The following SPATA31H1 variants were observed in gnomAD, a reference collection of about 807,000 sequenced individuals.
The protein encoded by SPATA31H1 is SPATA31 subfamily H member 1, also known as spermatogenesis-associated protein 31H1.
At chr2:27,551,435 G>A in the SPATA31H1 span, among the ~76,000 whole-genome samples, 1 of 151,956 alleles carries the variant, frequency 6.6e-6, no homozygotes, top group South Asian at 2.1e-4. Context: ...AGGCACCTGG[G>A]ACAAAACCAG....
At chr2:27,549,092 AAAAG>A in the SPATA31H1 span, among the ~76,000 whole-genome samples, 1 of 151,584 alleles carries the variant, frequency 6.6e-6, no homozygotes, top group Non-Finnish European at 1.5e-5. Context: ...AAAAAAAAAA[AAAAG>A]AAATGGGTTA....
At chr2:27,581,136 G>A in the SPATA31H1 span, 3 of 1,614,208 alleles carry the variant, frequency 1.9e-6, no homozygotes, top group East Asian at 6.7e-5. Flanking sequence ...TGGTTCCCCT[G>A]TGAAGAGAAC....
chr2:27,568,245 G>C, the SPATA31H1 span: 1 of 398,926 alleles, frequency 2.5e-6, no homozygotes, highest in East Asian at 3.6e-5. Flanking sequence ...GAACCATCAA[G>C]ACACAAAACC....
chr2:27,551,903 C>G, the SPATA31H1 span, among the ~76,000 whole-genome samples: 593 of 152,098 alleles, frequency 3.9e-3, 1 homozygote, highest in Non-Finnish European at 6.2e-3. Context: ...GCAACCTCCG[C>G]CTCCTGGATT....
the SPATA31H1 span, among the ~76,000 whole-genome samples, chr2:27,539,141 G>C: frequency 7.8e-6 from 1 of 127,576 alleles, no homozygotes; most frequent in African/African-American, 3.2e-5. Context: ...GATCATTCTT[G>C]GGTGTTTCTC....
the SPATA31H1 span, chr2:27,565,416 G>T: frequency 4.2e-6 from 3 of 717,256 alleles, no homozygotes; most frequent in Non-Finnish European, 7.8e-6. Context: ...TCAGCTCAAG[G>T]TTAATAACAG....
At chr2:27,538,766 G>A in the SPATA31H1 span, among the ~76,000 whole-genome samples, 2 of 152,094 alleles carry the variant, frequency 1.3e-5, no homozygotes, top group Non-Finnish European at 2.9e-5. Context: ...GGGAGGCAGA[G>A]GTTGCAGTGA....
chr2:27,538,705 C>A, the SPATA31H1 span, among the ~76,000 whole-genome samples: 1 of 152,020 alleles, frequency 6.6e-6, no homozygotes, highest in Non-Finnish European at 1.5e-5. Context: ...GTGGCGTGCA[C>A]CTGTAGTCTT....
At chr2:27,551,461 A>G in the SPATA31H1 span, among the ~76,000 whole-genome samples, 1 of 152,088 alleles carries the variant, frequency 6.6e-6, no homozygotes, top group African/African-American at 2.4e-5. Context: ...TCTTTATTAT[A>G]ACAAACACAC....
chr2:27,551,886 G>A, the SPATA31H1 span, among the ~76,000 whole-genome samples: 1 of 151,900 alleles, frequency 6.6e-6, no homozygotes, highest in Non-Finnish European at 1.5e-5. Flanking sequence ...TGCCATCTCA[G>A]CTCACTGCAA....
chr2:27,580,352 C>A, the SPATA31H1 span: 5 of 1,614,156 alleles, frequency 3.1e-6, 1 homozygote, highest in Middle Eastern at 8.2e-4. Context: ...CTCAAGTTCA[C>A]AACCTACCAG....
the SPATA31H1 span, among the ~76,000 whole-genome samples, chr2:27,542,004 CT>C: frequency 1.3e-5 from 2 of 152,118 alleles, no homozygotes; most frequent in East Asian, 3.9e-4. Context: ...AACTCCTGGG[CT>C]CAAGCAATCC....
At chr2:27,558,855 C>G in the SPATA31H1 span, among the ~76,000 whole-genome samples, 10 of 107,956 alleles carry the variant, frequency 9.3e-5, no homozygotes, top group Non-Finnish European at 1.5e-4. Flanking sequence ...GCAGCAGTAC[C>G]GTCCAGCCTT....
the SPATA31H1 span, chr2:27,574,737 C>T: frequency 2.5e-6 from 1 of 398,308 alleles, no homozygotes; most frequent in Non-Finnish European, 4.4e-6. Context: ...TGAGTTAACA[C>T]CAGAGACAAA....
chr2:27,540,534 C>A, the SPATA31H1 span, among the ~76,000 whole-genome samples: 18 of 138,656 alleles, frequency 1.3e-4, 1 homozygote, highest in Admixed American at 1.0e-3. Flanking sequence ...CTGACCCCCC[C>A]CCCACCTCCC....
chr2:27,578,774 C>T, the SPATA31H1 span: 2 of 1,614,126 alleles, frequency 1.2e-6, no homozygotes, highest in Non-Finnish European at 8.5e-7. Flanking sequence ...TCCTACAAAG[C>T]TCTTCAACCA....
the SPATA31H1 span, chr2:27,582,477 C>A: frequency 6.2e-7 from 1 of 1,613,044 alleles, no homozygotes; most frequent in African/African-American, 1.3e-5. Flanking sequence ...CGGGACCACA[C>A]ATAAAAATCC....
chr2:27,567,221 G>C, the SPATA31H1 span: 2 of 624,694 alleles, frequency 3.2e-6, no homozygotes, highest in Admixed American at 5.7e-5. Context: ...TTTCCAAGGA[G>C]AGACCACGAC....
the SPATA31H1 span, chr2:27,574,148 G>T: frequency 1.3e-5 from 5 of 398,466 alleles, no homozygotes; most frequent in Non-Finnish European, 2.2e-5. Context: ...CTTCTGAGTC[G>T]ATACCGAAGA....
Sources: allele counts gnomAD v4.1 joint callset (sites outside exome capture counted in the v4.1 genomes callset), GRCh38; gene constraint gnomAD v4.1.1; transcripts MANE v1.5; gene names NCBI Gene and HGNC (gene_info 2026-07-23, HGNC 2026-07-21).